SESN3: variants seen among roughly 807,000 people sequenced by gnomAD.
SESN3 encodes the protein sestrin 3.
A neutral mutation model predicts 55.3 loss-of-function variants in SESN3; 21 were observed. That is an observed-to-expected ratio of 0.38 (90% confidence interval 0.27 to 0.55). SESN3 has a LOEUF of 0.55. Ranked by LOEUF, SESN3 falls within the 20% of genes least tolerant of loss-of-function variation. The probability of loss-of-function intolerance (pLI) is 0.76; values close to 1 mark genes in which losing one functional copy is unlikely to be tolerated. For synonymous variants in SESN3, 181 were observed against 203.1 expected (o/e 0.89, Z 0.93); for missense variants, 408 against 604.3 (o/e 0.68, Z 3.41).
chr11:95,187,233 G>A lies in SESN3; in HGVS notation c.526-1741C>T, dbSNP rs115503092. On this transcript the variant is annotated intron_variant, in intron 4 of 9. Transcript: ENST00000536441. ...TTATTTTAGAAACATTTCCTAATAG[G>A]ATTTTTAGAACAAAGTGTATTAATA... Among the ~76,000 whole-genome samples the A allele has an allele frequency of 4.1e-3, 619 of 151,878 alleles. 4 individuals are homozygous for A. The highest frequency in any genetic ancestry group is 0.014 in the African/African-American group (592 of 41,464).
In SESN3 at chr11:95,184,557, T is replaced by C; in HGVS notation, c.800A>G (p.Glu267Gly). ...DSLSELEALM[E>G]RMKRLQEERE... ...TTCTTCTTGAAGTCTTTTCATCCTT[T>C]CCATTAAGGCCTCTAGCTCACTTAG... The change falls in exon 6 of 10, where the codon GAA becomes GGA. Residue 267 changes from glutamate (E) to glycine (G), a missense_variant. Coordinates refer to ENST00000536441, the MANE Select transcript of SESN3 (RefSeq NM_144665.4). The C allele has an allele frequency of 1.2e-6, 2 of 1,613,380 alleles. No individual in the cohort carries two copies. The highest frequency in any genetic ancestry group is 1.7e-6 in the Non-Finnish European group (2 of 1,179,646).
intron 1 of SESN3, among the ~76,000 whole-genome samples, chr11:95,209,932 G>A (rs1285345125): frequency 2.7e-5 from 4 of 146,480 alleles, no homozygotes; most frequent in Non-Finnish European, 6.0e-5. Context: ...CAGAAGAATC[G>A]CTTGATTCCA....
chr11:95,205,805 C>G (rs577064383), intron 1 of SESN3, among the ~76,000 whole-genome samples: 2 of 152,122 alleles, frequency 1.3e-5, no homozygotes, highest in South Asian at 4.2e-4. Flanking sequence ...GTTATCTCAC[C>G]ACCTGTTCAC....
intron 1 of SESN3, among the ~76,000 whole-genome samples, chr11:95,205,646 C>T (rs767759662): frequency 6.6e-6 from 1 of 152,070 alleles, no homozygotes; most frequent in Non-Finnish European, 1.5e-5. Context: ...AGGGATTATG[C>T]TTATAAGACA....
In SESN3 at chr11:95,167,350, G is replaced by A. The variant is rs969138525; in HGVS notation, c.*5905C>T. The A allele has an allele frequency of 2.0e-5, 3 of 152,074 alleles. No individual in the cohort carries two copies. The highest frequency in any genetic ancestry group is 7.2e-5 in the African/African-American group (3 of 41,398). The allele number at this position is 152,074 out of a possible 1,614,324, so 9.4% of individuals were successfully genotyped here. ...ATCTTATTTAGACTTACTAATGTTT[G>A]ATGTTGTCCTATGAACTGTAAAATT... On this transcript the variant is annotated 3_prime_UTR_variant, in exon 10 of 10. Coordinates refer to ENST00000536441, the MANE Select transcript of SESN3 (RefSeq NM_144665.4).
chr11:95,208,255 T>C (rs1293899229), intron 1 of SESN3, among the ~76,000 whole-genome samples: 2 of 151,532 alleles, frequency 1.3e-5, no homozygotes, highest in Admixed American at 1.3e-4. Flanking sequence ...CCTCACATAT[T>C]TTTATTTTAG....
chr11:95,202,246 C>T (rs1337313017), intron 1 of SESN3, among the ~76,000 whole-genome samples: 1 of 151,976 alleles, frequency 6.6e-6, no homozygotes, highest in Non-Finnish European at 1.5e-5. Flanking sequence ...AATAGATTCT[C>T]ATATATTTTT....
At chr11:95,232,354 T>C (rs1861088223), upstream of SESN3, 2 of 152,234 alleles carry the variant, frequency 1.3e-5, no homozygotes, top group African/African-American at 4.8e-5. Flanking sequence ...CGCAACCTGC[T>C]CCCGAGTGAG....
At chr11:95,208,864 C>G (rs988189553) in intron 1 of SESN3, among the ~76,000 whole-genome samples, 17 of 151,560 alleles carry the variant, frequency 1.1e-4, no homozygotes, top group Admixed American at 6.6e-4. Context: ...ACTGGCTAGC[C>G]ATATGCAGAA....
At position 95,173,213 on chromosome 11, in the gene SESN3, A is replaced by C; in HGVS notation, c.*42T>G. ...ATAGCTTCAATGTTTATCTTATGTGAAAGGTCTTTACACATGTATGACATT... is the reference window on the plus strand; with the variant it reads ...ATAGCTTCAATGTTTATCTTATGTGCAAGGTCTTTACACATGTATGACATT... On this transcript the variant is annotated 3_prime_UTR_variant, in exon 10 of 10. Coordinates refer to ENST00000536441, the MANE Select transcript of SESN3 (RefSeq NM_144665.4). 1 of 1,146,936 alleles carries C rather than the reference A, an allele frequency of 8.7e-7. No individual in the cohort carries two copies. Among genetic ancestry groups the C allele is most frequent in the Non-Finnish European group, 1.3e-6 (1 of 776,666 alleles). The allele number at this position is 1,146,936 out of a possible 1,614,324, so 71.0% of individuals were successfully genotyped here. A position where few individuals can be genotyped will look rare whatever the true frequency, so the allele number is the denominator to read the frequency against.
At chr11:95,177,684 A>G (rs1859983078) in intron 8 of SESN3, 35 bp downstream of exon 8, 1 of 1,518,644 alleles carries the variant, frequency 6.6e-7, no homozygotes, top group Non-Finnish European at 8.9e-7. Flanking sequence ...ATTTTCACTT[A>G]GAAATGTAAA....
intron 1 of SESN3, chr11:95,203,630 C>T (rs1483201815): frequency 6.6e-6 from 1 of 152,132 alleles, no homozygotes; most frequent in Non-Finnish European, 1.5e-5. Flanking sequence ...TTTTGTCAAT[C>T]CTCAAGTCTA....
chr11:95,204,292 G>A (rs1034559634), intron 1 of SESN3, among the ~76,000 whole-genome samples: 5 of 152,004 alleles, frequency 3.3e-5, no homozygotes, highest in African/African-American at 1.2e-4. Flanking sequence ...AGGTACCTGA[G>A]ATAAATAGGC....
chr11:95,213,740 T>C (rs542533651), intron 1 of SESN3, among the ~76,000 whole-genome samples: 1 of 152,352 alleles, frequency 6.6e-6, no homozygotes, highest in Non-Finnish European at 1.5e-5. Flanking sequence ...ATTTAGTCAG[T>C]ATTTTTATTC....
intron 4 of SESN3, among the ~76,000 whole-genome samples, chr11:95,186,096 C>T (rs1860157503): frequency 6.6e-6 from 1 of 151,824 alleles, no homozygotes; most frequent in Non-Finnish European, 1.5e-5. Context: ...ACAGTAATTC[C>T]TCCACTTTGT....
intron 1 of SESN3, among the ~76,000 whole-genome samples, chr11:95,194,902 T>C (rs1249126935): frequency 6.6e-6 from 1 of 152,052 alleles, no homozygotes; most frequent in Non-Finnish European, 1.5e-5. Flanking sequence ...CCAGCCCAGG[T>C]GACAGAGTGA....
At chr11:95,178,926 G>T in intron 6 of SESN3, 98 bp from the exon 7 acceptor site, 1 of 661,432 alleles carries the variant, frequency 1.5e-6, no homozygotes, top group South Asian at 2.2e-5. Context: ...GCTTTTCCAT[G>T]GATTTCTAAA....
chr11:95,184,306 A>G (rs1860120599), intron 6 of SESN3, 114 bp downstream of exon 6: 3 of 836,740 alleles, frequency 3.6e-6, no homozygotes, highest in Non-Finnish European at 5.7e-6. Flanking sequence ...GAGGAGAACT[A>G]AATAAGAGAA....
In SESN3 at chr11:95,167,898, G is replaced by A. The variant is rs955249654; in HGVS notation, c.*5357C>T. 7 of 152,066 alleles carry A rather than the reference G, an allele frequency of 4.6e-5. No individual in the cohort carries two copies. The highest frequency in any genetic ancestry group is 7.2e-5 in the African/African-American group (3 of 41,390). 9.4% of individuals were successfully genotyped at this position (152,066 alleles called of 1,614,324 possible). On this transcript the variant is annotated 3_prime_UTR_variant, in exon 10 of 10. Coordinates refer to ENST00000536441, the MANE Select transcript of SESN3 (RefSeq NM_144665.4). Reference sequence around the variant, plus strand: ...TTTCCTCTTCCTTCTGGATATACCCGAAGTGCGGCTAGGAGAATAAAGACT... The same window carrying A: ...TTTCCTCTTCCTTCTGGATATACCCAAAGTGCGGCTAGGAGAATAAAGACT...
Sources: gnomAD v4.1 joint callset for allele counts (sites outside exome capture counted in the v4.1 genomes callset) on GRCh38, gnomAD v4.1.1 for gene constraint, MANE v1.5 for transcripts, NCBI Gene and HGNC (gene_info 2026-07-23, HGNC 2026-07-21) for gene names.